Variants in SEC16B observed in about 807,000 individuals in gnomAD.
SEC16B encodes SEC16 homolog B, endoplasmic reticulum export factor, also known as protein transport protein Sec16B.
A neutral mutation model predicts 141.8 loss-of-function variants in SEC16B; 115 were observed. The observed-to-expected ratio is 0.81, with a 90% CI of 0.70 to 0.95. The LOEUF (loss-of-function observed/expected upper bound fraction) is 0.95, where lower values mean the gene tolerates loss of function less well. Ranked by LOEUF, SEC16B falls within the 40% of genes least tolerant of loss-of-function variation. SEC16B has a pLI of 0.00. For synonymous variants in SEC16B, 493 were observed against 492.5 expected, an observed-to-expected ratio of 1.00 and a Z score of -0.01; for missense variants, 1,291 against 1,312.3, an observed-to-expected ratio of 0.98 and a Z score of 0.25.
At chr1:177,979,577 C>A (rs770202341) in intron 1 of SEC16B, among the ~76,000 whole-genome samples, 28 of 152,160 alleles carry the variant, frequency 1.8e-4, no homozygotes, top group Middle Eastern at 3.2e-3. Context: ...TGCCAAAAAA[C>A]CAAATTCAAA....
chr1:177,956,624 T>A (rs1652623467), intron 10 of SEC16B, among the ~76,000 whole-genome samples: 1 of 152,178 alleles, frequency 6.6e-6, no homozygotes, highest in African/African-American at 2.4e-5. Flanking sequence ...TTTTTATGAA[T>A]TTTGTAAAGC....
intron 4 of SEC16B, 24 bp from the exon 5 acceptor site, chr1:177,964,303 T>C (rs1419871332): frequency 6.3e-7 from 1 of 1,576,602 alleles, no homozygotes; most frequent in Non-Finnish European, 8.7e-7. Flanking sequence ...ACAGGAGCAG[T>C]GAGCGGGGTC....
At chr1:177,944,747 G>A in intron 14 of SEC16B, 81 bp from the exon 15 acceptor site, 1 of 1,144,980 alleles carries the variant, frequency 8.7e-7, no homozygotes. Context: ...CCAAACACCA[G>A]CTGCAGCCTT....
chr1:177,961,653 T>C lies in SEC16B; in HGVS notation c.724A>G (p.Ile242Val). 6.2e-7 allele frequency: 1 copy of C among 1,613,988 alleles called. No homozygotes were observed. The highest frequency in any genetic ancestry group is 8.5e-7 in the Non-Finnish European group (1 of 1,179,880). ...SSSSYELSQY[I>V]RDAPERDDPP... Reference sequence around the variant, plus strand: ...TCATCCCGCTCCGGGGCATCTCTGATGTACTGACTGAGCTCATAGCTGCTG... The same window carrying C: ...TCATCCCGCTCCGGGGCATCTCTGACGTACTGACTGAGCTCATAGCTGCTG... The change falls in exon 6 of 26, where the codon ATC becomes GTC. Residue 242 changes from isoleucine to valine, a missense_variant. By Grantham distance (29) the Ile-to-Val change is conservative. This residue lies in a region of SEC16B where 681 missense variants were observed against 675.5 expected (regional missense o/e 1.01). Transcript: ENST00000308284.
intron 24 of SEC16B, among the ~76,000 whole-genome samples, chr1:177,931,288 C>T (rs1396390495): frequency 6.6e-6 from 1 of 152,090 alleles, no homozygotes; most frequent in Non-Finnish European, 1.5e-5. Flanking sequence ...TGGATGAAGC[C>T]GGAGTCCATT....
intron 12 of SEC16B, among the ~76,000 whole-genome samples, chr1:177,949,761 G>A (rs1316072943): frequency 6.6e-6 from 1 of 152,128 alleles, no homozygotes; most frequent in Non-Finnish European, 1.5e-5. Context: ...TGAAACCCAC[G>A]TCTGTGTTGT....
rs145806076 is a variant in SEC16B, at chr1:177,958,367, A to C, written c.1135-5T>G. ...GATGTCAGACCCCACCATGGACTGT[A>C]AGGCAAAGAGGATCATCTGGGGAGA... On this transcript the variant is annotated splice_polypyrimidine_tract_variant and splice_region_variant and intron_variant, in intron 9 of 25. Coordinates refer to ENST00000308284, the MANE Select transcript of SEC16B (RefSeq NM_033127.4). 1 of 1,568,856 alleles carries C rather than the reference A, an allele frequency of 6.4e-7. No individual in the cohort carries two copies. Among genetic ancestry groups the C allele is most frequent in the African/African-American group, 1.4e-5 (1 of 73,836 alleles).
intron 7 of SEC16B, 105 bp from the exon 8 acceptor site, chr1:177,960,508 T>G (rs918868816): frequency 3.6e-6 from 3 of 822,846 alleles, no homozygotes; most frequent in Non-Finnish European, 6.0e-6. Flanking sequence ...AGGATATGGC[T>G]CAAGGCCTTG....
intron 16 of SEC16B, 35 bp downstream of exon 16, chr1:177,941,865 T>C: frequency 6.2e-7 from 1 of 1,601,796 alleles, no homozygotes; most frequent in Non-Finnish European, 8.5e-7. Context: ...ATAGTGAAGA[T>C]AAAACAACTG....
intron 16 of SEC16B, among the ~76,000 whole-genome samples, chr1:177,941,182 A>T (rs1381265570): frequency 6.6e-6 from 1 of 152,218 alleles, no homozygotes; most frequent in Non-Finnish European, 1.5e-5. Context: ...TATTCCATAA[A>T]CAAGTTTTAG....
intron 4 of SEC16B, among the ~76,000 whole-genome samples, chr1:177,964,637 T>A (rs1317146174): frequency 1.3e-5 from 2 of 152,182 alleles, no homozygotes; most frequent in Non-Finnish European, 2.9e-5. Flanking sequence ...CTGTCTTGTC[T>A]TACCACAGGG....
chr1:177,943,161 T>C (rs923734166), intron 15 of SEC16B, among the ~76,000 whole-genome samples: 3 of 151,742 alleles, frequency 2.0e-5, no homozygotes, highest in African/African-American at 7.3e-5. Context: ...CCAAAATAAC[T>C]GACAGGTGGG....
At chr1:177,944,536 G>A (rs1178209827) in intron 15 of SEC16B, 25 bp downstream of exon 15, 1 of 1,574,448 alleles carries the variant, frequency 6.4e-7, no homozygotes, top group Admixed American at 1.7e-5. Flanking sequence ...CAGTGACGGT[G>A]GTGGCCTCAT....
chr1:177,942,073 T>A (rs1222921017), intron 15 of SEC16B, 33 bp from the exon 16 acceptor site: 1 of 1,590,782 alleles, frequency 6.3e-7, no homozygotes, highest in Admixed American at 1.8e-5. Flanking sequence ...GACTAGTCCA[T>A]CCAGGCAGGG....
At chr1:177,980,623 T>C (rs184046298) in intron 1 of SEC16B, among the ~76,000 whole-genome samples, 70 of 152,236 alleles carry the variant, frequency 4.6e-4, no homozygotes. Flanking sequence ...CTTCTCTTCT[T>C]GGAGTTTAGT....
intron 12 of SEC16B, among the ~76,000 whole-genome samples, chr1:177,950,247 A>G (rs1652068308): frequency 1.3e-5 from 2 of 152,156 alleles, no homozygotes; most frequent in African/African-American, 2.4e-5. Context: ...CTCCATTACC[A>G]AAAGTAATGG....
At chr1:177,981,277 T>A (rs1300554278) in intron 1 of SEC16B, among the ~76,000 whole-genome samples, 1 of 152,090 alleles carries the variant, frequency 6.6e-6, no homozygotes, top group Admixed American at 6.6e-5. Flanking sequence ...ACTGACCCCA[T>A]CTCTTGCTCT....
chr1:177,982,977 T>G lies in SEC16B; in HGVS notation c.-59+1229A>C, dbSNP rs532736634. On this transcript the variant is annotated intron_variant and NMD_transcript_variant, in intron 1 of 24. Transcript: ENST00000528461. ...AAGCAACCTTTCCACCTATCAACATTACACTGTAAATGGGCCCATTTAGGA... is the reference window on the plus strand; with the variant it reads ...AAGCAACCTTTCCACCTATCAACATGACACTGTAAATGGGCCCATTTAGGA... Among the ~76,000 whole-genome samples, 31 of 152,264 alleles carry G rather than the reference T, an allele frequency of 2.0e-4. 1 individual carries two copies. Among genetic ancestry groups the G allele is most frequent in the Admixed American group, 2.0e-3 (30 of 15,290 alleles).
At chr1:177,949,948 C>CAAA (rs10700670) in intron 12 of SEC16B, among the ~76,000 whole-genome samples, 20,844 of 148,612 alleles carry the variant, frequency 0.14, 1,625 homozygotes, top group Non-Finnish European at 0.18. Context: ...TCTACTATTA[C>CAAA]AAAAAAAAAA....
Sources: gnomAD v4.1 joint callset for allele counts (sites outside exome capture counted in the v4.1 genomes callset) on GRCh38, gnomAD v4.1.1 for gene constraint, gnomAD v4.1.1 regional missense constraint, MANE v1.5 for transcripts, NCBI Gene and HGNC (gene_info 2026-07-23, HGNC 2026-07-21) for gene names.